The following COP1 variants were observed in gnomAD, a reference collection of about 807,000 sequenced individuals.
COP1 encodes the protein COP1 E3 ubiquitin ligase.
COP1 carries 24 observed loss-of-function variants against 101.3 expected under a neutral mutation model. The ratio of observed to expected loss-of-function variants is 0.24; its 90% CI spans 0.17 to 0.33. The LOEUF is 0.33. Among genes scored for constraint, COP1 ranks in the 10% least tolerant of loss-of-function variants. The probability of loss-of-function intolerance (pLI) is 1.00; values close to 1 mark genes in which losing one functional copy is unlikely to be tolerated. For missense variants in COP1, 663 were observed against 906.2 expected, an observed-to-expected ratio of 0.73 and a Z score of 3.45; for synonymous variants, 347 against 341.9, an observed-to-expected ratio of 1.01 and a Z score of -0.17.
intron 18 of COP1, among the ~76,000 whole-genome samples, chr1:175,951,281 A>G (rs1390849001): frequency 6.6e-6 from 1 of 150,386 alleles, no homozygotes; most frequent in African/African-American, 2.4e-5. Flanking sequence ...TATATAAAAT[A>G]TAATAAAATA....
chr1:175,986,911 C>A (rs1188573417), intron 18 of COP1, 32 bp downstream of exon 18: 5 of 1,505,330 alleles, frequency 3.3e-6, no homozygotes, highest in Non-Finnish European at 2.7e-6. Flanking sequence ...AATATGAGAT[C>A]CCAAGGTGAA....
intron 19 of COP1, 33 bp from the exon 20 acceptor site, chr1:175,945,203 A>C (rs1414742667): frequency 6.7e-7 from 1 of 1,486,228 alleles, no homozygotes; most frequent in South Asian, 1.2e-5. Flanking sequence ...CCATTTAATA[A>C]AATCATTTAA....
At chr1:176,052,020 T>C (rs2149242204) in intron 11 of COP1, among the ~76,000 whole-genome samples, 1 of 152,266 alleles carries the variant, frequency 6.6e-6, no homozygotes, top group East Asian at 1.9e-4. Context: ...AAGTGTGCAA[T>C]GTTTATAAAG....
intron 5 of COP1, among the ~76,000 whole-genome samples, chr1:176,161,145 T>G (rs1032137629): frequency 1.3e-5 from 2 of 152,218 alleles, no homozygotes; most frequent in Non-Finnish European, 2.9e-5. Context: ...TGTTACCTTT[T>G]GTCCATCTGT....
intron 8 of COP1, among the ~76,000 whole-genome samples, chr1:176,120,657 G>T (rs949069338): frequency 6.6e-6 from 1 of 152,102 alleles, no homozygotes; most frequent in Non-Finnish European, 1.5e-5. Flanking sequence ...GTAGATGTCC[G>T]TATAACTATT....
chr1:176,160,844 G>A (rs1350993034), intron 5 of COP1, among the ~76,000 whole-genome samples: 1 of 152,186 alleles, frequency 6.6e-6, no homozygotes, highest in Non-Finnish European at 1.5e-5. Context: ...TTATGAAGCA[G>A]TCCAGAGAGC....
At chr1:176,071,125 C>T (rs1347365118) in intron 11 of COP1, among the ~76,000 whole-genome samples, 1 of 152,194 alleles carries the variant, frequency 6.6e-6, no homozygotes, top group Non-Finnish European at 1.5e-5. Context: ...TGGGAGGTGA[C>T]TGAATCATGG....
At chr1:176,122,001 A>C (rs1180430000) in intron 8 of COP1, among the ~76,000 whole-genome samples, 1 of 151,936 alleles carries the variant, frequency 6.6e-6, no homozygotes, top group Non-Finnish European at 1.5e-5. Flanking sequence ...TTAGCCGGGC[A>C]TGGTGGCGGG....
Position 176,133,397 on chromosome 1 carries a change from GT to G in COP1, c.968+1612del, listed in dbSNP as rs545656081. Among the ~76,000 whole-genome samples, 7 of 151,458 alleles carry G rather than the reference GT, an allele frequency of 4.6e-5. No individual in the cohort carries two copies. In the South Asian group the frequency reaches 1.5e-3, roughly 31 times the overall value. On this transcript the variant is annotated intron_variant, in intron 8 of 19. Transcript: ENST00000367669. ...AGTGTCATATATTAGGTCTCTTTAT[GT>G]GCTCTATTATTTTCTTATGAGATCA...
chr1:175,994,899 T>A (rs1248583081), intron 15 of COP1, among the ~76,000 whole-genome samples: 1 of 152,206 alleles, frequency 6.6e-6, no homozygotes, highest in East Asian at 1.9e-4. Context: ...GCAGACTTAA[T>A]GGACATCTAC....
chr1:176,041,346 T>TTTTTTTC (rs60284689), intron 14 of COP1, among the ~76,000 whole-genome samples: 141,597 of 145,646 alleles, frequency 0.97, 68,859 homozygotes, highest in East Asian at 1. Context: ...ATTTTTTTTC[T>TTTTTTTC]TTTTTTCTTT....
intron 18 of COP1, among the ~76,000 whole-genome samples, chr1:175,956,017 G>C (rs1332674116): frequency 6.6e-6 from 1 of 151,668 alleles, no homozygotes; most frequent in Non-Finnish European, 1.5e-5. Context: ...AAATGAAAAA[G>C]CAAAGACATT....
Position 176,046,215 on chromosome 1 carries a change from G to T in COP1, c.1387C>A (p.Pro463Thr). The change falls in exon 12 of 20, where the codon CCT (proline) becomes ACT (threonine). Residue 463 changes from proline (P) to threonine (T), a missense_variant. By Grantham distance (38) the Pro-to-Thr change is conservative. Coordinates refer to ENST00000367669, the MANE Select transcript of COP1 (RefSeq NM_022457.7). Reference sequence around the variant, plus strand: ...GAATTGCAGGTCATTTCATTCTCAGGGTAATGAATATCCACTGCATCCTGG... The same window carrying T: ...GAATTGCAGGTCATTTCATTCTCAGTGTAATGAATATCCACTGCATCCTGG... The part of the protein sequence containing the change: ...VIQDAVDIHY[P>T]ENEMTCNSKI... 1 of 1,604,956 alleles carries T rather than the reference G, an allele frequency of 6.2e-7. No homozygotes were observed. The highest frequency in any genetic ancestry group is 8.5e-7 in the Non-Finnish European group (1 of 1,177,400).
At chr1:176,073,777 AG>A (rs1008994060) in intron 11 of COP1, among the ~76,000 whole-genome samples, 2 of 152,240 alleles carry the variant, frequency 1.3e-5, no homozygotes, top group African/African-American at 2.4e-5. Flanking sequence ...AAATAAGCAA[AG>A]GAAGAAAAAT....
At chr1:176,117,532 CAT>C (rs1171740555) in intron 8 of COP1, among the ~76,000 whole-genome samples, 1 of 152,192 alleles carries the variant, frequency 6.6e-6, no homozygotes, top group African/African-American at 2.4e-5. Context: ...CTGAAAATCA[CAT>C]GACATACATA....
intron 6 of COP1, among the ~76,000 whole-genome samples, chr1:176,141,505 A>AATAC (rs201284440): frequency 0.077 from 11,642 of 151,974 alleles, 583 homozygotes; most frequent in South Asian, 0.15. Context: ...CATCTCAAAA[A>AATAC]ATACATACAT....
At chr1:176,120,001 T>C (rs1017548881) in intron 8 of COP1, among the ~76,000 whole-genome samples, 3 of 152,146 alleles carry the variant, frequency 2.0e-5, no homozygotes, top group African/African-American at 4.8e-5. Context: ...GACCACGCTA[T>C]ATAAACTACC....
intron 15 of COP1, among the ~76,000 whole-genome samples, chr1:176,007,146 G>C (rs1053972529): frequency 2.4e-4 from 37 of 152,070 alleles, no homozygotes; most frequent in Non-Finnish European, 5.0e-4. Context: ...CGGCTCCTGA[G>C]GCTTCTGCAT....
At chr1:176,196,588 A>C (rs1334240195) in intron 1 of COP1, among the ~76,000 whole-genome samples, 1 of 152,206 alleles carries the variant, frequency 6.6e-6, no homozygotes, top group Non-Finnish European at 1.5e-5. Context: ...AGTAATTAAA[A>C]ACCTTCCCAC....
Sources: gnomAD v4.1 joint callset for allele counts (sites outside exome capture counted in the v4.1 genomes callset) on GRCh38, gnomAD v4.1.1 for gene constraint, MANE v1.5 for transcripts, NCBI Gene and HGNC (gene_info 2026-07-23, HGNC 2026-07-21) for gene names.